SLC24A3: variants seen among roughly 807,000 people sequenced by gnomAD.
SLC24A3 encodes the protein solute carrier family 24 member 3.
Under a neutral mutation model 75.8 loss-of-function variants are expected in SLC24A3, and 28 were observed. The observed-to-expected ratio is 0.37, with a 90% CI of 0.27 to 0.51. SLC24A3 has a LOEUF of 0.51. Among genes scored for constraint, SLC24A3 ranks in the 20% least tolerant of loss-of-function variants. The pLI is 0.94. For missense variants in SLC24A3, 663 were observed against 847.8 expected (o/e 0.78, Z 2.71); for synonymous variants, 372 against 334.1 (o/e 1.11, Z -1.24).
At chr20:19,362,573 C>T (rs11905696) in intron 2 of SLC24A3, among the ~76,000 whole-genome samples, 11,043 of 152,262 alleles carry the variant, frequency 0.073, 1,274 homozygotes, top group African/African-American at 0.25. Context: ...GTCACCATGA[C>T]GTTTCTGTGA....
chr20:19,267,429 T>C (rs992859634), intron 1 of SLC24A3, among the ~76,000 whole-genome samples: 3 of 152,220 alleles, frequency 2.0e-5, no homozygotes, highest in African/African-American at 4.8e-5. Flanking sequence ...CATCTTCCCA[T>C]CTTTTCTGAC....
chr20:19,490,940 TC>T lies in SLC24A3; in HGVS notation c.272-24547del, dbSNP rs200567849. ...ATGGCAATCTGTGCCACTGCCACTT[TC>T]TAATCTCTCATTGCTTCTCTGTTTC... is the stretch of plus-strand genomic sequence containing the variant. On this transcript the variant is annotated intron_variant, in intron 2 of 16. Coordinates refer to ENST00000328041, the MANE Select transcript of SLC24A3 (RefSeq NM_020689.4). Among the ~76,000 whole-genome samples, 257 of 152,346 alleles carry T rather than the reference TC, an allele frequency of 1.7e-3. 2 individuals are homozygous for T. The East Asian group carries it at 0.028, about 16-fold the overall frequency.
chr20:19,599,503 G>A (rs755550912), intron 6 of SLC24A3, among the ~76,000 whole-genome samples: 13 of 152,172 alleles, frequency 8.5e-5, no homozygotes, highest in Non-Finnish European at 1.6e-4. Context: ...ACCCTCCCGC[G>A]CATCTGTATA....
chr20:19,486,895 C>T (rs573062916), intron 2 of SLC24A3, among the ~76,000 whole-genome samples: 2 of 152,304 alleles, frequency 1.3e-5, no homozygotes, highest in African/African-American at 4.8e-5. Flanking sequence ...AGATACTGCT[C>T]CCATGGGCTT....
intron 7 of SLC24A3, among the ~76,000 whole-genome samples, chr20:19,657,510 C>T (rs1234688048): frequency 2.0e-5 from 3 of 152,180 alleles, no homozygotes; most frequent in Non-Finnish European, 4.4e-5. Flanking sequence ...ATGATAATTT[C>T]TGGAGTCAGT....
intron 2 of SLC24A3, among the ~76,000 whole-genome samples, chr20:19,396,562 A>G (rs969751639): frequency 6.6e-6 from 1 of 152,248 alleles, no homozygotes; most frequent in South Asian, 2.1e-4. Context: ...TATCCTATTG[A>G]ATACAGCAGG....
chr20:19,454,093 G>A (rs1987538417), intron 2 of SLC24A3, among the ~76,000 whole-genome samples: 2 of 152,194 alleles, frequency 1.3e-5, no homozygotes, highest in Non-Finnish European at 2.9e-5. Context: ...AGACATGCTG[G>A]GGGTTAAGAA....
At chr20:19,409,643 C>A (rs1287401187) in intron 2 of SLC24A3, among the ~76,000 whole-genome samples, 1 of 151,960 alleles carries the variant, frequency 6.6e-6, no homozygotes, top group African/African-American at 2.4e-5. Context: ...GAAAATGATG[C>A]AATAAATTAT....
chr20:19,639,778 G>A (rs529588117), intron 6 of SLC24A3, among the ~76,000 whole-genome samples: 30 of 152,382 alleles, frequency 2.0e-4, no homozygotes, highest in African/African-American at 5.3e-4. Context: ...CCTGCCCCGC[G>A]GGAAGGCAGC....
intron 2 of SLC24A3, among the ~76,000 whole-genome samples, chr20:19,297,221 TG>T (rs1984083458): frequency 6.6e-6 from 1 of 152,228 alleles, no homozygotes; most frequent in South Asian, 2.1e-4. Flanking sequence ...CTCTCACATG[TG>T]TTGTTAGATC....
chr20:19,523,627 G>A (rs1015639578), intron 3 of SLC24A3, among the ~76,000 whole-genome samples: 3 of 152,230 alleles, frequency 2.0e-5, no homozygotes, highest in Non-Finnish European at 4.4e-5. Flanking sequence ...TGACGGCTTA[G>A]AGCATGCCCT....
At chr20:19,538,740 T>C (rs1283773065) in intron 3 of SLC24A3, among the ~76,000 whole-genome samples, 1 of 152,182 alleles carries the variant, frequency 6.6e-6, no homozygotes, top group African/African-American at 2.4e-5. Context: ...AACATATGCA[T>C]GCTCCCTGAT....
At chr20:19,417,529 C>T (rs1310381651) in intron 2 of SLC24A3, among the ~76,000 whole-genome samples, 2 of 152,122 alleles carry the variant, frequency 1.3e-5, no homozygotes, top group South Asian at 4.1e-4. Flanking sequence ...GATGAGACAC[C>T]AACTAGAAGC....
At chr20:19,459,939 G>T (rs1404057267) in intron 2 of SLC24A3, among the ~76,000 whole-genome samples, 3 of 152,142 alleles carry the variant, frequency 2.0e-5, no homozygotes, top group African/African-American at 7.2e-5. Context: ...TTGTCACTTT[G>T]CAGATTATGA....
intron 6 of SLC24A3, among the ~76,000 whole-genome samples, chr20:19,613,913 T>A (rs553154149): frequency 6.6e-6 from 1 of 152,220 alleles, no homozygotes; most frequent in Non-Finnish European, 1.5e-5. Flanking sequence ...TGTTCTATAT[T>A]AAGATGTGAA....
intron 2 of SLC24A3, among the ~76,000 whole-genome samples, chr20:19,420,034 T>G (rs989519294): frequency 1.1e-5 from 1 of 91,094 alleles, no homozygotes; most frequent in African/African-American, 4.5e-5. Context: ...TGTGTCCATG[T>G]GATCTCATTG....
rs189772495 is a variant in SLC24A3 at position 19,370,629 on chromosome 20, A to G, written c.271+89542A>G. On this transcript the variant is annotated intron_variant, in intron 2 of 16. Coordinates refer to ENST00000328041, the MANE Select transcript of SLC24A3 (RefSeq NM_020689.4). Reference sequence around the variant, plus strand: ...GAATGTATTTCTTGCTTTTTAAATCATGCTCCTGTGCCAGGAAGCTTCTAA... The same window carrying G: ...GAATGTATTTCTTGCTTTTTAAATCGTGCTCCTGTGCCAGGAAGCTTCTAA... Among the ~76,000 whole-genome samples the G allele has an allele frequency of 7.2e-5, 11 of 152,358 alleles. No homozygotes were observed. In the East Asian group the frequency reaches 1.9e-3, roughly 27 times the overall value.
intron 2 of SLC24A3, among the ~76,000 whole-genome samples, chr20:19,384,785 A>G (rs1358551477): frequency 1.3e-5 from 2 of 152,238 alleles, no homozygotes; most frequent in Non-Finnish European, 2.9e-5. Flanking sequence ...GGTACTAATT[A>G]TATCGCCACC....
chr20:19,445,516 G>A (rs1987366670), intron 2 of SLC24A3, among the ~76,000 whole-genome samples: 1 of 152,210 alleles, frequency 6.6e-6, no homozygotes, highest in Admixed American at 6.5e-5. Context: ...AATGTAAGAC[G>A]AGGAAGGGAA....
Sources: gnomAD v4.1 joint callset for allele counts (sites outside exome capture counted in the v4.1 genomes callset) on GRCh38, gnomAD v4.1.1 for gene constraint, MANE v1.5 for transcripts, NCBI Gene and HGNC (gene_info 2026-07-23, HGNC 2026-07-21) for gene names.